MN1: variants seen among roughly 807,000 people sequenced by gnomAD.
The protein encoded by MN1 is transcriptional activator MN1.
Under a neutral mutation model 86.9 loss-of-function variants are expected in MN1, and 19 were observed. The observed-to-expected ratio is 0.22, with a 90% CI of 0.15 to 0.32. MN1 has a LOEUF of 0.32. Ranked by LOEUF, MN1 falls within the 10% of genes least tolerant of loss-of-function variation. The pLI, the probability that MN1 is intolerant of heterozygous loss-of-function variation, is 1.00. For synonymous variants in MN1, 928 were observed against 849.6 expected (o/e 1.09, Z -1.60); for missense variants, 1,841 against 1,862.0 (o/e 0.99, Z 0.21).
chr22:27,750,225 A>G lies in MN1; in HGVS notation c.*690T>C, dbSNP rs45498506. ...TCAAGTGGAAGGGAACTGAAGGCTG[A>G]GCACTGTGTTTGCAGGAATGAAAAT... On this transcript the variant is annotated 3_prime_UTR_variant, in exon 2 of 2. Transcript: ENST00000302326. 20 of 231,516 alleles carry G rather than the reference A, an allele frequency of 8.6e-5. No individual in the cohort carries two copies. The East Asian group carries it at 1.2e-3, about 14-fold the overall frequency. The allele number at this position is 231,516 out of a possible 1,614,324, so 14.3% of individuals were successfully genotyped here. A position where few individuals can be genotyped will look rare whatever the true frequency, so the allele number is the denominator to read the frequency against.
intron 1 of MN1, among the ~76,000 whole-genome samples, 181 bp downstream of exon 1, chr22:27,796,582 G>C (rs1026528772): frequency 6.7e-6 from 1 of 148,198 alleles, no homozygotes; most frequent in Non-Finnish European, 1.5e-5. Flanking sequence ...CAGTGTGTGT[G>C]GGGGGGTCTG....
At chr22:27,770,062 G>A (rs939452199) in intron 1 of MN1, among the ~76,000 whole-genome samples, 4 of 152,152 alleles carry the variant, frequency 2.6e-5, no homozygotes, top group Non-Finnish European at 5.9e-5. Flanking sequence ...TTGACAATGA[G>A]TATCCAGGGT....
Position 27,799,065 on chromosome 22 carries a change from G to T in MN1, c.1479C>A (p.Gly493=), listed in dbSNP as rs368223308. 2 of 1,609,916 alleles carry T rather than the reference G, an allele frequency of 1.2e-6. No individual in the cohort carries two copies. The highest frequency in any genetic ancestry group is 2.2e-5 in the East Asian group (1 of 44,784). Residue 493 remains glycine (G), a synonymous_variant, in exon 1 of 2, where the codon GGC becomes GGA. Coordinates refer to ENST00000302326, the MANE Select transcript of MN1 (RefSeq NM_002430.3). ...DNHLSPSAYP[G]LPGEFTPPVP... ...CAGGCGGTGTGAACTCGCCGGGTAG[G>T]CCTGGGTAGGCGGAAGGGGAGAGGT...
chr22:27,797,023 G>C lies in MN1; in HGVS notation c.3521C>G (p.Pro1174Arg). Residue 1174 changes from proline (P) to arginine (R), a missense_variant, in exon 1 of 2, where the codon CCT (proline) becomes CGT (arginine). Coordinates refer to ENST00000302326, the MANE Select transcript of MN1 (RefSeq NM_002430.3). ...CTTCTTGCCACCCTTCAGCCCCAGA[G>C]GCTGGTCCTCGGAGATGCTGAACTG... ...RQQFSISEDQ[P>R]LGLKGGKKGE... The C allele has an allele frequency of 6.2e-7, 1 of 1,612,746 alleles. No individual in the cohort carries two copies. Among genetic ancestry groups the C allele is most frequent in the Non-Finnish European group, 8.5e-7 (1 of 1,179,786 alleles).
At chr22:27,773,200 C>T (rs1400724908) in intron 1 of MN1, among the ~76,000 whole-genome samples, 2 of 151,960 alleles carry the variant, frequency 1.3e-5, no homozygotes, top group South Asian at 2.1e-4. Flanking sequence ...CAGCTGCTAC[C>T]GTTGCCAGCC....
chr22:27,774,532 A>T (rs1932951814), intron 1 of MN1, among the ~76,000 whole-genome samples: 1 of 152,126 alleles, frequency 6.6e-6, no homozygotes, highest in Non-Finnish European at 1.5e-5. Flanking sequence ...CTGGCTATCC[A>T]CGGAGGTGTT....
At position 27,799,946 on chromosome 22, in the gene MN1, C is replaced by T; in HGVS notation, c.598G>A (p.Ala200Thr). 6.2e-7 allele frequency: 1 copy of T among 1,603,114 alleles called. No homozygotes were observed. Among genetic ancestry groups the T allele is most frequent in the Non-Finnish European group, 8.5e-7 (1 of 1,175,420 alleles). The change falls in exon 1 of 2, where the codon GCC (alanine) becomes ACC (threonine). Residue 200 changes from alanine (A) to threonine (T), a missense_variant. By Grantham distance (58) the Ala-to-Thr change is moderately conservative. Transcript: ENST00000302326. ...CLPLDQSPNRAASFHGLPSSS... is the reference protein window; with the variant it reads ...CLPLDQSPNRTASFHGLPSSS... ...GACGGCAGGCCGTGGAAGGAGGCGG[C>T]TCGGTTAGGGCTCTGGTCCAGCGGC...
intron 1 of MN1, among the ~76,000 whole-genome samples, chr22:27,795,372 C>T (rs551847200): frequency 3.6e-4 from 55 of 152,234 alleles, no homozygotes; most frequent in African/African-American, 1.3e-3. Context: ...TTCCTCTCCT[C>T]TTGCCTCCCC....
Sources: allele counts gnomAD v4.1 joint callset (sites outside exome capture counted in the v4.1 genomes callset), GRCh38; gene constraint gnomAD v4.1.1; transcripts MANE v1.5; gene names NCBI Gene and HGNC (gene_info 2026-07-23, HGNC 2026-07-21).